The following ATG14 variants were observed in gnomAD, a reference collection of about 807,000 sequenced individuals.
The protein encoded by ATG14 is beclin 1-associated autophagy-related key regulator.
A neutral mutation model predicts 60.4 loss-of-function variants in ATG14; 35 were observed. The observed-to-expected ratio is 0.58, with a 90% CI of 0.44 to 0.77. The LOEUF (loss-of-function observed/expected upper bound fraction) is 0.77. Among genes scored for constraint, ATG14 ranks in the 30% least tolerant of loss-of-function variants. ATG14 has a pLI of 0.00. For synonymous variants in ATG14, 234 were observed against 228.8 expected, an observed-to-expected ratio of 1.02 and a Z score of -0.21; for missense variants, 647 against 626.3, an observed-to-expected ratio of 1.03 and a Z score of -0.35.
At chr14:55,383,588 CAAAA>C (rs111349514) in intron 5 of ATG14, among the ~76,000 whole-genome samples, 2 of 149,330 alleles carry the variant, frequency 1.3e-5, no homozygotes, top group African/African-American at 2.5e-5. Context: ...ACAACAACAA[CAAAA>C]AAAACCCCCA....
At chr14:55,395,678 A>T (rs915686112) in intron 3 of ATG14, among the ~76,000 whole-genome samples, 1 of 152,218 alleles carries the variant, frequency 6.6e-6, no homozygotes, top group Non-Finnish European at 1.5e-5. Flanking sequence ...TTTTGCAAAA[A>T]AGAATAACAG....
chr14:55,375,490 A>AT (rs779634897), intron 9 of ATG14, among the ~76,000 whole-genome samples: 9,415 of 117,150 alleles, frequency 0.08, 993 homozygotes, highest in African/African-American at 0.24. Context: ...GCCGGGCTAA[A>AT]TTTTTTTTTT....
In ATG14 at chr14:55,391,606, A is replaced by G. The variant is rs1043004540; in HGVS notation, c.328-614T>C. On this transcript the variant is annotated intron_variant, in intron 3 of 9. Transcript: ENST00000247178. ...CTCTAGCTATATAGCTACTAGCCAC[A>G]TGTGGTTACTTAAAACTCAATTTAA... 1.3e-5 allele frequency among the ~76,000 whole-genome samples: 2 copies of G among 152,220 alleles called. 1 individual carries two copies. The highest frequency in any genetic ancestry group is 4.8e-5 in the African/African-American group (2 of 41,464).
Position 55,380,663 on chromosome 14 carries a change from G to T in ATG14, c.905C>A (p.Thr302Asn). The T allele has an allele frequency of 6.2e-7, 1 of 1,610,596 alleles. No individual in the cohort carries two copies. Among genetic ancestry groups the T allele is most frequent in the South Asian group, 1.1e-5 (1 of 90,358 alleles). The stretch of plus-strand genomic sequence containing the variant: ...TGCATAGCACAGCGCAGCACTGATG[G>T]TGTAGGCAGGGTTACTCTGCTCCAT... ...PDMEQSNPAY[T>N]ISAALCYATQ... is the part of the protein sequence containing the mutation. Residue 302 changes from threonine to asparagine, a missense_variant, in exon 7 of 10, where the codon ACC becomes AAC. Transcript: ENST00000247178.
At chr14:55,392,877 C>T (rs1247924308) in intron 3 of ATG14, among the ~76,000 whole-genome samples, 2 of 152,056 alleles carry the variant, frequency 1.3e-5, no homozygotes, top group Non-Finnish European at 2.9e-5. Flanking sequence ...AAAACAGATC[C>T]ACAGGGACTG....
chr14:55,370,907 C>T (rs1216587422), intron 9 of ATG14, among the ~76,000 whole-genome samples: 1 of 152,192 alleles, frequency 6.6e-6, no homozygotes, highest in East Asian at 1.9e-4. Context: ...TCTCAAAACG[C>T]TGAGATTACA....
chr14:55,408,896 A>T (rs946610470), intron 1 of ATG14, among the ~76,000 whole-genome samples: 1 of 152,240 alleles, frequency 6.6e-6, no homozygotes, highest in African/African-American at 2.4e-5. Context: ...GGCAAACAGT[A>T]GCCAAATCAC....
intron 9 of ATG14, among the ~76,000 whole-genome samples, chr14:55,373,487 T>G (rs1370635000): frequency 6.6e-6 from 1 of 152,176 alleles, no homozygotes; most frequent in East Asian, 1.9e-4. Flanking sequence ...TGAGATGCAG[T>G]CTCACTCCGT....
intron 9 of ATG14, 96 bp downstream of exon 9, chr14:55,377,723 T>G: frequency 6.1e-6 from 5 of 823,562 alleles, no homozygotes; most frequent in Non-Finnish European, 9.3e-6. Context: ...TTTGAGGAGT[T>G]TGGGATTAGG....
At chr14:55,386,470 C>G (rs908515383) in intron 4 of ATG14, among the ~76,000 whole-genome samples, 2 of 152,224 alleles carry the variant, frequency 1.3e-5, no homozygotes, top group African/African-American at 4.8e-5. Flanking sequence ...TACTGGCTAT[C>G]TGATTTCCCT....
chr14:55,409,348 A>G (rs1370660511), intron 1 of ATG14, among the ~76,000 whole-genome samples: 1 of 152,228 alleles, frequency 6.6e-6, no homozygotes, highest in East Asian at 1.9e-4. Context: ...AGTTTCTACT[A>G]TGTGAGAATA....
At chr14:55,392,370 C>T (rs1021144320) in intron 3 of ATG14, among the ~76,000 whole-genome samples, 5 of 152,048 alleles carry the variant, frequency 3.3e-5, no homozygotes, top group Admixed American at 6.6e-5. Flanking sequence ...GATCTATGGC[C>T]GGGTGCAGTG....
chr14:55,389,597 C>A (rs1161184816), intron 4 of ATG14, among the ~76,000 whole-genome samples: 2 of 152,216 alleles, frequency 1.3e-5, no homozygotes, highest in Non-Finnish European at 2.9e-5. Context: ...GTGACTCATT[C>A]TAAACTTTAA....
intron 3 of ATG14, among the ~76,000 whole-genome samples, chr14:55,394,067 C>T (rs540735354): frequency 4.9e-4 from 72 of 146,384 alleles, no homozygotes; most frequent in South Asian, 1.1e-3. Context: ...AGTACAGTGG[C>T]GCAATCTCGG....
At chr14:55,400,746 T>C (rs574993528) in intron 1 of ATG14, among the ~76,000 whole-genome samples, 69 of 151,994 alleles carry the variant, frequency 4.5e-4, no homozygotes, top group Middle Eastern at 3.4e-3. Flanking sequence ...CTACTAAAAA[T>C]ACAAAAAATT....
At chr14:55,371,302 C>G (rs1442654922) in intron 9 of ATG14, among the ~76,000 whole-genome samples, 6 of 152,306 alleles carry the variant, frequency 3.9e-5, no homozygotes, top group Non-Finnish European at 8.8e-5. Context: ...GCACTGGCTT[C>G]CAACGCACCT....
chr14:55,371,220 T>C (rs1011888693), intron 9 of ATG14, among the ~76,000 whole-genome samples: 3 of 152,208 alleles, frequency 2.0e-5, no homozygotes, highest in Admixed American at 6.5e-5. Flanking sequence ...AATGAGAGCC[T>C]AGAATCGTAT....
intron 7 of ATG14, among the ~76,000 whole-genome samples, chr14:55,378,567 C>G (rs970883725): frequency 6.6e-6 from 1 of 152,188 alleles, no homozygotes; most frequent in Non-Finnish European, 1.5e-5. Flanking sequence ...TACCCACAGC[C>G]TCTTTCCTTA....
rs1207105937 is a variant in ATG14, at chr14:55,367,204, T to C, written c.*2415A>G. 6.6e-6 allele frequency: 1 copy of C among 152,232 alleles called. No individual in the cohort carries two copies. Among genetic ancestry groups the C allele is most frequent in the Non-Finnish European group, 1.5e-5 (1 of 68,048 alleles). 9.4% of individuals were successfully genotyped at this position (152,232 alleles called of 1,614,324 possible). On this transcript the variant is annotated 3_prime_UTR_variant, in exon 10 of 10. Coordinates refer to ENST00000247178, the MANE Select transcript of ATG14 (RefSeq NM_014924.5). Reference sequence around the variant, plus strand: ...TTAAGAAAACCATGACTGTTGTGCATCTCTCAGCTGAAGTCAGTCTCCACC... The same window carrying C: ...TTAAGAAAACCATGACTGTTGTGCACCTCTCAGCTGAAGTCAGTCTCCACC...
Sources: gnomAD v4.1 joint callset for allele counts (sites outside exome capture counted in the v4.1 genomes callset) on GRCh38, gnomAD v4.1.1 for gene constraint, MANE v1.5 for transcripts, NCBI Gene and HGNC (gene_info 2026-07-23, HGNC 2026-07-21) for gene names.